Variants in EFCAB11 observed in about 807,000 individuals in gnomAD.
EFCAB11 encodes EF-hand calcium-binding domain-containing protein 11.
Under a neutral mutation model 23.0 loss-of-function variants are expected in EFCAB11, and 14 were observed. The observed-to-expected ratio is 0.61, with a 90% CI of 0.40 to 0.95. EFCAB11 has a LOEUF of 0.95. Ranked by LOEUF, EFCAB11 falls within the 40% of genes least tolerant of loss-of-function variation. EFCAB11 has a pLI of 0.00. For synonymous variants in EFCAB11, 65 were observed against 66.6 expected (o/e 0.98, Z 0.11); for missense variants, 198 against 195.8 (o/e 1.01, Z -0.07).
chr14:89,915,604 G>T (rs1889816512), intron 5 of EFCAB11, among the ~76,000 whole-genome samples: 2 of 152,116 alleles, frequency 1.3e-5, no homozygotes, highest in Non-Finnish European at 1.5e-5. Context: ...GCATTTCTTT[G>T]TCAGTCAAAT....
At chr14:89,937,807 A>G (rs2139821345) in intron 3 of EFCAB11, among the ~76,000 whole-genome samples, 1 of 152,324 alleles carries the variant, frequency 6.6e-6, no homozygotes, top group South Asian at 2.1e-4. Flanking sequence ...TACAGGCATG[A>G]ACCACTGCAC....
intron 5 of EFCAB11, among the ~76,000 whole-genome samples, chr14:89,906,703 T>G: frequency 6.6e-6 from 1 of 152,142 alleles, no homozygotes; most frequent in East Asian, 1.9e-4. Flanking sequence ...AAAATAAGAT[T>G]AAAGAGTATA....
chr14:89,916,060 G>C (rs901148570), intron 5 of EFCAB11, among the ~76,000 whole-genome samples: 2 of 151,376 alleles, frequency 1.3e-5, no homozygotes. Context: ...GCACAACTCC[G>C]ATCTCTGCAC....
At chr14:89,869,022 T>G (rs1158768173) in intron 5 of EFCAB11, among the ~76,000 whole-genome samples, 2 of 151,212 alleles carry the variant, frequency 1.3e-5, no homozygotes, top group African/African-American at 4.9e-5. Flanking sequence ...GGTAACATAG[T>G]GAGACCTCAA....
intron 5 of EFCAB11, among the ~76,000 whole-genome samples, chr14:89,820,841 T>C (rs992337459): frequency 2.0e-5 from 3 of 152,002 alleles, no homozygotes; most frequent in Non-Finnish European, 2.9e-5. Flanking sequence ...AATACCAGTC[T>C]AGACATTGCT....
chr14:89,874,303 C>A (rs1454350755), intron 5 of EFCAB11, among the ~76,000 whole-genome samples: 7 of 152,170 alleles, frequency 4.6e-5, no homozygotes, highest in Admixed American at 4.6e-4. Flanking sequence ...CTGGGCCCAG[C>A]CCACAAAACC....
chr14:89,895,206 T>G (rs1596438783), intron 5 of EFCAB11, among the ~76,000 whole-genome samples: 1 of 152,296 alleles, frequency 6.6e-6, no homozygotes, highest in East Asian at 1.9e-4. Context: ...AGTGTGATGG[T>G]TCAGAAAAAG....
chr14:89,922,187 G>A (rs1464894116), intron 5 of EFCAB11, among the ~76,000 whole-genome samples: 1 of 152,174 alleles, frequency 6.6e-6, no homozygotes, highest in African/African-American at 2.4e-5. Context: ...TGAGGAATTG[G>A]ATACATCGGC....
intron 5 of EFCAB11, among the ~76,000 whole-genome samples, chr14:89,912,464 G>T (rs1232643565): frequency 6.6e-6 from 1 of 152,072 alleles, no homozygotes; most frequent in East Asian, 1.9e-4. Context: ...AGGATCTGAA[G>T]TTCCTTAAGG....
intron 3 of EFCAB11, among the ~76,000 whole-genome samples, chr14:89,940,867 T>C (rs934280067): frequency 2.0e-5 from 3 of 152,232 alleles, no homozygotes; most frequent in Non-Finnish European, 4.4e-5. Flanking sequence ...TTATAGCTTT[T>C]AGCATAAAGA....
At chr14:89,953,736 C>G (rs1891288379) in intron 2 of EFCAB11, among the ~76,000 whole-genome samples, 170 bp downstream of exon 2, 2 of 151,952 alleles carry the variant, frequency 1.3e-5, no homozygotes, top group African/African-American at 4.8e-5. Context: ...ATTTCTACTT[C>G]ATCTCTGGGC....
rs10530483 is a variant in EFCAB11 at position 89,881,452 on chromosome 14, C to CATAT, written c.410+50085_410+50088dup. Among the ~76,000 whole-genome samples the CATAT allele has an allele frequency of 5.3e-4, 25 of 46,760 alleles. 2 individuals carry two copies. Among genetic ancestry groups the CATAT allele is most frequent in the South Asian group, 2.2e-3 (4 of 1,818 alleles). 30.7% of individuals were successfully genotyped at this position (46,760 alleles called of 152,430 possible). On this transcript the variant is annotated intron_variant, in intron 5 of 5. Transcript: ENST00000316738. ...ATTTTTGGTCTACTTTATGACTTGG[C>CATAT]ATATATATATATATTCTTTTTTTTT...
chr14:89,935,857 A>G (rs1260779104), intron 3 of EFCAB11, among the ~76,000 whole-genome samples: 4 of 152,114 alleles, frequency 2.6e-5, no homozygotes, highest in Non-Finnish European at 5.9e-5. Context: ...AAAATACAAA[A>G]ATTAGCCAGG....
intron 5 of EFCAB11, among the ~76,000 whole-genome samples, chr14:89,863,577 T>G (rs1887995619): frequency 6.6e-6 from 1 of 152,252 alleles, no homozygotes; most frequent in Non-Finnish European, 1.5e-5. Context: ...TTATTTTCCA[T>G]GTTATTTGCT....
intron 5 of EFCAB11, among the ~76,000 whole-genome samples, chr14:89,868,811 T>C (rs773553972): frequency 1.3e-5 from 2 of 152,218 alleles, no homozygotes; most frequent in African/African-American, 2.4e-5. Flanking sequence ...GTACCAATTA[T>C]AAATCAGAAG....
intron 5 of EFCAB11, among the ~76,000 whole-genome samples, chr14:89,861,256 CA>C (rs1887910837): frequency 6.6e-6 from 1 of 152,212 alleles, no homozygotes; most frequent in Non-Finnish European, 1.5e-5. Flanking sequence ...CTAGGCTCTC[CA>C]TCCTTGGAAC....
chr14:89,834,244 C>CAG (rs1566776721), intron 5 of EFCAB11, among the ~76,000 whole-genome samples: 2 of 151,720 alleles, frequency 1.3e-5, no homozygotes, highest in Non-Finnish European at 2.9e-5. Context: ...AGCATGGTGG[C>CAG]GCGTGCCTGT....
intron 5 of EFCAB11, among the ~76,000 whole-genome samples, chr14:89,881,943 G>A (rs1888615057): frequency 6.6e-6 from 1 of 152,132 alleles, no homozygotes; most frequent in African/African-American, 2.4e-5. Flanking sequence ...TATGCTTAGG[G>A]TTACATAAGC....
Position 89,807,087 on chromosome 14 carries a change from C to T in EFCAB11, c.411-9763G>A, listed in dbSNP as rs75743518. On this transcript the variant is annotated intron_variant, in intron 5 of 5. Transcript: ENST00000316738. ...CTTCAGCTGAGATACCCAGTATCAT[C>T]TTGAACTTGATTATGAGATAAAAGA... Among the ~76,000 whole-genome samples, 630 of 152,252 alleles carry T rather than the reference C, an allele frequency of 4.1e-3. 7 individuals are homozygous for T. The highest frequency in any genetic ancestry group is 0.015 in the African/African-American group (606 of 41,538).
Sources: allele counts gnomAD v4.1 joint callset (sites outside exome capture counted in the v4.1 genomes callset), GRCh38; gene constraint gnomAD v4.1.1; transcripts MANE v1.5; gene names NCBI Gene and HGNC (gene_info 2026-07-23, HGNC 2026-07-21).